Variants in PRKN observed in about 807,000 individuals in gnomAD.
PRKN encodes the protein parkin RBR E3 ubiquitin protein ligase, also known as E3 ubiquitin-protein ligase parkin.
In PRKN, 56 loss-of-function variants were observed where a neutral mutation model predicts 59.5. That is an observed-to-expected ratio of 0.94 (90% CI 0.76 to 1.18). The LOEUF is 1.18. Among genes scored for constraint, PRKN ranks in the 50% most tolerant of loss-of-function variants. The probability of loss-of-function intolerance (pLI) is 0.00; values close to 1 mark genes in which losing one functional copy is unlikely to be tolerated. For synonymous variants in PRKN, 250 were observed against 222.1 expected, an observed-to-expected ratio of 1.13 and a Z score of -1.12; for missense variants, 657 against 596.4, an observed-to-expected ratio of 1.10 and a Z score of -1.06.
At chr6:161,847,682 G>A (rs891250742) in intron 6 of PRKN, among the ~76,000 whole-genome samples, 1 of 151,670 alleles carries the variant, frequency 6.6e-6, no homozygotes, top group Non-Finnish European at 1.5e-5. Flanking sequence ...TTGAATCCGG[G>A]GTGCATCACT....
chr6:162,181,413 G>A (rs145869838), intron 4 of PRKN, among the ~76,000 whole-genome samples: 3 of 152,320 alleles, frequency 2.0e-5, no homozygotes, highest in African/African-American at 7.2e-5. Flanking sequence ...GGTCATATTG[G>A]CTCTGGAACC....
At chr6:161,464,870 TC>T (rs970056999) in intron 9 of PRKN, among the ~76,000 whole-genome samples, 3 of 152,194 alleles carry the variant, frequency 2.0e-5, no homozygotes, top group African/African-American at 7.2e-5. Flanking sequence ...CACCTTGGCT[TC>T]CCCACCTGTT....
In PRKN at chr6:161,428,688, A is replaced by C. The variant is rs1361965423; in HGVS notation, c.1084-41811T>G. 6.6e-6 allele frequency among the ~76,000 whole-genome samples: 1 copy of C among 152,168 alleles called. No homozygotes were observed. On this transcript the variant is annotated intron_variant, in intron 9 of 11. Coordinates refer to ENST00000366898, the MANE Select transcript of PRKN (RefSeq NM_004562.3). This position sits in a 1 kb window ranked among gnomAD's most constrained non-coding sequence, Gnocchi z 4.0. ...AGAATCAGCAATTCACACATATAAT[A>C]AAGCTCACAACCAAAAAAAGCACAT...
intron 9 of PRKN, among the ~76,000 whole-genome samples, chr6:161,422,107 A>C (rs1788131601): frequency 6.6e-6 from 1 of 152,194 alleles, no homozygotes; most frequent in South Asian, 2.1e-4. Flanking sequence ...GATCCACATA[A>C]AACTTATTAG....
intron 9 of PRKN, among the ~76,000 whole-genome samples, chr6:161,465,387 C>G (rs906037645): frequency 6.6e-6 from 1 of 151,978 alleles, no homozygotes; most frequent in African/African-American, 2.4e-5. Flanking sequence ...AACCTGCAGA[C>G]GTGATTTTAG....
At chr6:161,952,561 G>C (rs1209574469) in intron 6 of PRKN, among the ~76,000 whole-genome samples, 1 of 152,228 alleles carries the variant, frequency 6.6e-6, no homozygotes, top group Non-Finnish European at 1.5e-5. Flanking sequence ...AGAGGCTGCA[G>C]TGAGCTGAGA....
At chr6:161,686,127 T>C (rs1413613949) in intron 7 of PRKN, among the ~76,000 whole-genome samples, 1 of 150,830 alleles carries the variant, frequency 6.6e-6, no homozygotes, top group Non-Finnish European at 1.5e-5. Context: ...CATGATTTTG[T>C]AGAAAATAGT....
chr6:161,952,656 A>G (rs1462495954), intron 6 of PRKN, among the ~76,000 whole-genome samples: 1 of 152,208 alleles, frequency 6.6e-6, no homozygotes, highest in Non-Finnish European at 1.5e-5. Context: ...AAATTACAGT[A>G]GTAAAACTAT....
In PRKN at chr6:162,607,542, GT is replaced by G. The variant is rs1056169619; in HGVS notation, c.7+120119del. Among the ~76,000 whole-genome samples the G allele has an allele frequency of 1.1e-3, 152 of 140,302 alleles. No homozygotes were observed. In the East Asian group the frequency reaches 0.014, roughly 13 times the overall value. The allele number at this position is 140,302 out of a possible 152,430, so 92.0% of individuals were successfully genotyped here. On this transcript the variant is annotated intron_variant, in intron 1 of 11. Transcript: ENST00000366898. ...CCAAAGAGAGAGAGAAATTAAATGA[GT>G]TTTTTTTTTTAATGGGGGAAACCTG...
intron 7 of PRKN, among the ~76,000 whole-genome samples, chr6:161,725,002 G>A (rs1787381198): frequency 6.6e-6 from 1 of 152,102 alleles, no homozygotes; most frequent in South Asian, 2.1e-4. Context: ...CCACTGTCTT[G>A]CTCTTGCTCT....
chr6:162,412,084 T>C (rs1383104963), intron 2 of PRKN, among the ~76,000 whole-genome samples: 1 of 152,064 alleles, frequency 6.6e-6, no homozygotes, highest in African/African-American at 2.4e-5. Context: ...CAAAATGAGA[T>C]CTTAATTTAC....
chr6:162,108,965 G>A (rs1320157541), intron 4 of PRKN, among the ~76,000 whole-genome samples: 1 of 152,224 alleles, frequency 6.6e-6, no homozygotes, highest in East Asian at 1.9e-4. Context: ...GCGGTGTACA[G>A]CAGCAGCAGC....
intron 3 of PRKN, among the ~76,000 whole-genome samples, chr6:162,249,156 G>A (rs1345164829): frequency 6.6e-6 from 1 of 152,170 alleles, no homozygotes; most frequent in Non-Finnish European, 1.5e-5. Context: ...GGGATTACAG[G>A]CGTGAGCCAC....
chr6:162,456,185 G>A lies in PRKN; in HGVS notation c.8-12712C>T, dbSNP rs533493450. 6.6e-5 allele frequency among the ~76,000 whole-genome samples: 10 copies of A among 152,152 alleles called. No homozygotes were observed. In the South Asian group the frequency reaches 8.3e-4, roughly 13 times the overall value. ...CCAATAAACTTATTAGTTAGAACAC[G>A]GGCTTACACCCATAACAATGAAAAG... On this transcript the variant is annotated intron_variant, in intron 1 of 11. Coordinates refer to ENST00000366898, the MANE Select transcript of PRKN (RefSeq NM_004562.3).
chr6:162,453,969 A>T (rs1375413340), intron 1 of PRKN, among the ~76,000 whole-genome samples: 1 of 152,190 alleles, frequency 6.6e-6, no homozygotes. Context: ...AGGAGATGAC[A>T]AAGAAAGGAG....
intron 7 of PRKN, among the ~76,000 whole-genome samples, chr6:161,678,813 C>A (rs957698698): frequency 6.6e-6 from 1 of 152,120 alleles, no homozygotes; most frequent in African/African-American, 2.4e-5. Context: ...GCAATCCACG[C>A]ACCTTGGCCT....
intron 6 of PRKN, among the ~76,000 whole-genome samples, chr6:161,859,277 G>A (rs9347547): frequency 0.3 from 45,966 of 151,756 alleles, 7,347 homozygotes; most frequent in South Asian, 0.34. Flanking sequence ...TGCTAATTGC[G>A]TACCTCTCTC....
At chr6:161,516,726 C>T (rs1387215998) in intron 9 of PRKN, among the ~76,000 whole-genome samples, 4 of 143,788 alleles carry the variant, frequency 2.8e-5, no homozygotes, top group African/African-American at 1.0e-4. Context: ...ATTCAGGAGG[C>T]TGAGGCAGGA....
At chr6:161,950,780 A>G (rs1052636187) in intron 6 of PRKN, among the ~76,000 whole-genome samples, 1 of 152,064 alleles carries the variant, frequency 6.6e-6, no homozygotes, top group Non-Finnish European at 1.5e-5. Context: ...GGGTTTCAAT[A>G]TAAAAGAAGG....
Sources: allele counts gnomAD v4.1 joint callset (sites outside exome capture counted in the v4.1 genomes callset), GRCh38; gene constraint gnomAD v4.1.1; non-coding constraint Gnocchi (gnomAD v3.1); transcripts MANE v1.5; gene names NCBI Gene and HGNC (gene_info 2026-07-23, HGNC 2026-07-21).